NELL1: variants seen among roughly 807,000 people sequenced by gnomAD.
NELL1 encodes protein kinase C-binding protein NELL1.
A neutral mutation model predicts 107.4 loss-of-function variants in NELL1; 76 were observed. That is an observed-to-expected ratio of 0.71 (90% CI 0.59 to 0.86). NELL1 has a LOEUF of 0.86. NELL1 is among the 40% of genes least tolerant of loss of function. NELL1 has a pLI of 0.00. For missense variants in NELL1, 1,024 were observed against 1,005.5 expected, an observed-to-expected ratio of 1.02 and a Z score of -0.25; for synonymous variants, 353 against 341.2, an observed-to-expected ratio of 1.03 and a Z score of -0.38.
chr11:20,700,460 C>T (rs1017606382), intron 2 of NELL1, among the ~76,000 whole-genome samples: 2 of 151,728 alleles, frequency 1.3e-5, no homozygotes, highest in Non-Finnish European at 2.9e-5. Flanking sequence ...GCCTGAGCAA[C>T]AGAGTGAGAC....
intron 2 of NELL1, among the ~76,000 whole-genome samples, chr11:20,720,885 T>A (rs191897511): frequency 6.6e-6 from 1 of 152,128 alleles, no homozygotes; most frequent in East Asian, 1.9e-4. Flanking sequence ...TTCTGAGGAA[T>A]TGGAGATTAG....
In NELL1 at chr11:21,363,513, A is replaced by G. The variant is rs529805799; in HGVS notation, c.1550-7340A>G. On this transcript the variant is annotated intron_variant, in intron 14 of 19. Transcript: ENST00000357134. ...GGTGAATTCCTTCAGTTTTCCTGGT[A>G]TGTTTCTGCAGTGGTTCTTGGAACA... is the stretch of plus-strand genomic sequence containing the variant. Among the ~76,000 whole-genome samples, 4 of 152,178 alleles carry G rather than the reference A, an allele frequency of 2.6e-5. No individual in the cohort carries two copies. The East Asian group carries it at 5.8e-4, about 22-fold the overall frequency.
intron 12 of NELL1, among the ~76,000 whole-genome samples, chr11:20,993,224 C>T (rs983504770): frequency 3.3e-5 from 5 of 152,124 alleles, no homozygotes; most frequent in Non-Finnish European, 2.9e-5. Context: ...CATTTTATAT[C>T]ATCTACTCAT....
chr11:20,834,733 C>G (rs955846188), intron 3 of NELL1, among the ~76,000 whole-genome samples: 1 of 151,866 alleles, frequency 6.6e-6, no homozygotes. Context: ...CAAAAAAAAC[C>G]CACCCTAACT....
In NELL1 at chr11:20,684,478, C is replaced by A. The variant is rs189559653; in HGVS notation, c.184+6418C>A. Among the ~76,000 whole-genome samples, 992 of 152,158 alleles carry A rather than the reference C, an allele frequency of 6.5e-3. 10 individuals are homozygous for A. The highest frequency in any genetic ancestry group is 0.022 in the African/African-American group (931 of 41,522). ...TGACTGTGTAAAAAATCTTCCATGTCTCTACCTAACTCTTTGAATATATGA... is the reference window on the plus strand; with the variant it reads ...TGACTGTGTAAAAAATCTTCCATGTATCTACCTAACTCTTTGAATATATGA... On this transcript the variant is annotated intron_variant, in intron 2 of 19. Coordinates refer to ENST00000357134, the MANE Select transcript of NELL1 (RefSeq NM_006157.5).
intron 13 of NELL1, among the ~76,000 whole-genome samples, chr11:21,128,060 A>C (rs1276346374): frequency 6.6e-6 from 1 of 152,146 alleles, no homozygotes; most frequent in Non-Finnish European, 1.5e-5. Context: ...CAACACAGGG[A>C]CTATGCATGC....
chr11:21,076,047 G>C (rs114993804), intron 12 of NELL1, among the ~76,000 whole-genome samples: 2,546 of 152,236 alleles, frequency 0.017, 68 homozygotes, highest in African/African-American at 0.057. Flanking sequence ...TGTTAACTAA[G>C]GATGACTAAA....
intron 15 of NELL1, among the ~76,000 whole-genome samples, chr11:21,417,891 C>G (rs1356369148): frequency 6.6e-6 from 1 of 152,010 alleles, no homozygotes; most frequent in Admixed American, 6.6e-5. Flanking sequence ...ACAAGTCTAT[C>G]TTCTCCAAAT....
At chr11:21,488,584 G>GCAGT (rs1481955259) in intron 15 of NELL1, among the ~76,000 whole-genome samples, 1 of 152,136 alleles carries the variant, frequency 6.6e-6, no homozygotes, top group Admixed American at 6.6e-5. Context: ...TGTGGTGGCA[G>GCAGT]CAGTCAGCAG....
Position 21,000,265 on chromosome 11 carries a change from TA to T in NELL1, c.1300+39716del, listed in dbSNP as rs11376900. 2.2e-3 allele frequency among the ~76,000 whole-genome samples: 319 copies of T among 146,790 alleles called. 1 individual carries two copies. The highest frequency in any genetic ancestry group is 9.6e-3 in the East Asian group (48 of 4,990). On this transcript the variant is annotated intron_variant, in intron 12 of 19. Coordinates refer to ENST00000357134, the MANE Select transcript of NELL1 (RefSeq NM_006157.5). ...ATGTACCCTAAAACTTAAAGTATAA[TA>T]AAAAAAAAAAGAATCTTAATCCAGT... is the stretch of plus-strand genomic sequence containing the variant.
intron 14 of NELL1, among the ~76,000 whole-genome samples, chr11:21,362,363 C>G (rs930238156): frequency 6.6e-6 from 1 of 152,166 alleles, no homozygotes; most frequent in Non-Finnish European, 1.5e-5. Context: ...AATCTTCCAG[C>G]CATGGATACC....
At chr11:20,804,629 A>G (rs1857344258) in intron 3 of NELL1, among the ~76,000 whole-genome samples, 1 of 152,054 alleles carries the variant, frequency 6.6e-6, no homozygotes, top group African/African-American at 2.4e-5. Context: ...ATTTTTTTCC[A>G]TCTTGGGAAG....
chr11:20,740,275 A>G (rs529288275), intron 2 of NELL1, among the ~76,000 whole-genome samples: 25 of 152,124 alleles, frequency 1.6e-4, no homozygotes, highest in Non-Finnish European at 3.7e-4. Flanking sequence ...CGTACCCTGC[A>G]CTTTACTGTC....
chr11:21,259,401 TG>T (rs1858848549), intron 14 of NELL1, among the ~76,000 whole-genome samples: 1 of 151,806 alleles, frequency 6.6e-6, no homozygotes, highest in South Asian at 2.1e-4. Flanking sequence ...CTTTGCCAAA[TG>T]GATATGAGGG....
intron 3 of NELL1, among the ~76,000 whole-genome samples, chr11:20,840,060 C>A (rs1466866082): frequency 6.6e-6 from 1 of 152,152 alleles, no homozygotes; most frequent in African/African-American, 2.4e-5. Flanking sequence ...GTATTTATTT[C>A]TTTAAGTAGC....
intron 14 of NELL1, among the ~76,000 whole-genome samples, chr11:21,287,836 G>A (rs1356923913): frequency 6.6e-6 from 1 of 151,754 alleles, no homozygotes; most frequent in East Asian, 1.9e-4. Flanking sequence ...CTCTGATTGT[G>A]ATTACATGTT....
intron 14 of NELL1, among the ~76,000 whole-genome samples, chr11:21,297,077 G>T (rs1204913920): frequency 1.3e-5 from 2 of 151,346 alleles, no homozygotes; most frequent in African/African-American, 4.9e-5. Context: ...TTCTATGTAG[G>T]CATTTACATT....
chr11:20,977,839 C>A (rs1204369409), intron 12 of NELL1, among the ~76,000 whole-genome samples: 1 of 152,156 alleles, frequency 6.6e-6, no homozygotes, highest in Non-Finnish European at 1.5e-5. Context: ...TTTATCAGTA[C>A]AACTTCTATG....
chr11:21,215,547 C>A (rs1273129234), intron 13 of NELL1, among the ~76,000 whole-genome samples: 1 of 152,078 alleles, frequency 6.6e-6, no homozygotes, highest in East Asian at 1.9e-4. Context: ...TTTGGAACTT[C>A]CTAGAGACTT....
Sources: allele counts gnomAD v4.1 joint callset (sites outside exome capture counted in the v4.1 genomes callset), GRCh38; gene constraint gnomAD v4.1.1; transcripts MANE v1.5; gene names NCBI Gene and HGNC (gene_info 2026-07-23, HGNC 2026-07-21).